ANKRD44: variants seen among roughly 807,000 people sequenced by gnomAD.
The protein encoded by ANKRD44 is serine/threonine-protein phosphatase 6 regulatory ankyrin repeat subunit B.
A neutral mutation model predicts 116.0 loss-of-function variants in ANKRD44; 35 were observed. The observed-to-expected ratio is 0.30, with a 90% CI of 0.23 to 0.40. ANKRD44 has a LOEUF of 0.40. Ranked by LOEUF, ANKRD44 falls within the 10% of genes least tolerant of loss-of-function variation. ANKRD44 has a pLI of 1.00. For synonymous variants in ANKRD44, 435 were observed against 461.8 expected (o/e 0.94, Z 0.74); for missense variants, 1,014 against 1,242.6 (o/e 0.82, Z 2.77).
chr2:197,141,857 C>A (rs1019553372), intron 3 of ANKRD44, among the ~76,000 whole-genome samples: 1 of 152,200 alleles, frequency 6.6e-6, no homozygotes, highest in African/African-American at 2.4e-5. Context: ...TTTCAAGAGT[C>A]TTGTTTACAT....
chr2:197,080,242 T>C (rs1274845391), intron 15 of ANKRD44, among the ~76,000 whole-genome samples: 3 of 152,250 alleles, frequency 2.0e-5, no homozygotes, highest in African/African-American at 7.2e-5. Context: ...ATTATTATAA[T>C]AAAAGTAATG....
intron 1 of ANKRD44, among the ~76,000 whole-genome samples, chr2:197,222,988 T>C (rs2081619627): frequency 6.6e-6 from 1 of 151,908 alleles, no homozygotes; most frequent in Non-Finnish European, 1.5e-5. Context: ...ACTTTTTGTA[T>C]TTTCAGTTGA....
In ANKRD44 at chr2:196,999,563, CTTATTTATTTAT is replaced by C. The variant is rs375324261; in HGVS notation, c.2520-523_2520-512del. Among the ~76,000 whole-genome samples, 375 of 138,450 alleles carry C rather than the reference CTTATTTATTTAT, an allele frequency of 2.7e-3. 2 individuals carry two copies. Among genetic ancestry groups the C allele is most frequent in the Admixed American group, 4.3e-3 (59 of 13,734 alleles). The allele number at this position is 138,450 out of a possible 152,430, so 90.8% of individuals were successfully genotyped here. On this transcript the variant is annotated intron_variant, in intron 23 of 27. Transcript: ENST00000282272. ...ATACACTTGGTCATGTGTACAGACA[CTTATTTATTTAT>C]TTATTTATTTATTTATTTATTTATT...
intron 1 of ANKRD44, among the ~76,000 whole-genome samples, chr2:197,229,126 G>A (rs1006400123): frequency 1.3e-5 from 2 of 152,196 alleles, no homozygotes; most frequent in Non-Finnish European, 2.9e-5. Flanking sequence ...GTGTTCACTT[G>A]AACAGAGAAA....
chr2:197,033,067 G>C (rs2076738262), intron 16 of ANKRD44, among the ~76,000 whole-genome samples: 1 of 152,170 alleles, frequency 6.6e-6, no homozygotes, highest in African/African-American at 2.4e-5. Flanking sequence ...AGAGATCTGG[G>C]ATAGAGTTAT....
chr2:197,177,252 T>C (rs1467193368), intron 2 of ANKRD44, among the ~76,000 whole-genome samples: 3 of 152,350 alleles, frequency 2.0e-5, no homozygotes, highest in East Asian at 3.9e-4. Flanking sequence ...AAAGTTTTAA[T>C]TGATTTTTAG....
intron 17 of ANKRD44, among the ~76,000 whole-genome samples, chr2:197,020,391 C>T (rs888130355): frequency 1.3e-5 from 2 of 152,144 alleles, no homozygotes; most frequent in African/African-American, 2.4e-5. Context: ...GGTTGAGAGG[C>T]CAGATTTATC....
At chr2:197,186,147 G>A (rs2080652433) in intron 2 of ANKRD44, among the ~76,000 whole-genome samples, 1 of 152,088 alleles carries the variant, frequency 6.6e-6, no homozygotes, top group African/African-American at 2.4e-5. Context: ...CAGGAGGCCT[G>A]CAGAAAAAAA....
intron 18 of ANKRD44, among the ~76,000 whole-genome samples, chr2:197,012,143 A>C (rs900418783): frequency 1.8e-4 from 27 of 152,362 alleles, no homozygotes; most frequent in African/African-American, 5.3e-4. Context: ...AAGCTTCTGC[A>C]CAGTAGACAT....
chr2:197,281,626 G>C (rs920242139), intron 1 of ANKRD44, among the ~76,000 whole-genome samples: 1 of 152,076 alleles, frequency 6.6e-6, no homozygotes, highest in Admixed American at 6.6e-5. Context: ...AGATGTGTTT[G>C]GAAAATGAGG....
At chr2:197,282,120 G>A (rs1162445887) in intron 1 of ANKRD44, among the ~76,000 whole-genome samples, 1 of 152,100 alleles carries the variant, frequency 6.6e-6, no homozygotes, top group Admixed American at 6.5e-5. Flanking sequence ...AGGCATGGTG[G>A]TGGGCACCTG....
chr2:197,232,163 A>G (rs1187334373), intron 1 of ANKRD44, among the ~76,000 whole-genome samples: 3 of 152,236 alleles, frequency 2.0e-5, no homozygotes, highest in African/African-American at 7.2e-5. Context: ...GAGGCTGGTA[A>G]TGAAGCACAA....
At chr2:197,198,375 A>C (rs1448717574) in intron 1 of ANKRD44, among the ~76,000 whole-genome samples, 3 of 152,120 alleles carry the variant, frequency 2.0e-5, no homozygotes, top group Admixed American at 6.6e-5. Flanking sequence ...GACCTGGAGG[A>C]AAAGGCTGGA....
intron 1 of ANKRD44, among the ~76,000 whole-genome samples, chr2:197,268,083 T>C (rs2082788244): frequency 6.6e-6 from 1 of 152,050 alleles, no homozygotes; most frequent in Non-Finnish European, 1.5e-5. Context: ...GGTTTTACAA[T>C]AGAAAAAGAA....
At chr2:197,224,760 G>A (rs564564963) in intron 1 of ANKRD44, among the ~76,000 whole-genome samples, 20 of 152,294 alleles carry the variant, frequency 1.3e-4, no homozygotes, top group African/African-American at 4.8e-4. Context: ...AGGAAAAAAG[G>A]TGAAGGGTTG....
At chr2:197,298,925 AAAAG>A (rs940270164) in intron 1 of ANKRD44, among the ~76,000 whole-genome samples, 19 of 152,284 alleles carry the variant, frequency 1.2e-4, no homozygotes, top group Non-Finnish European at 2.6e-4. Context: ...TCAAAAAAAA[AAAAG>A]AAAGAGAGAG....
At chr2:196,997,426 T>C (rs2076032719) in intron 25 of ANKRD44, among the ~76,000 whole-genome samples, 1 of 147,430 alleles carries the variant, frequency 6.8e-6, no homozygotes, top group African/African-American at 2.5e-5. Context: ...ATAAATTATA[T>C]ATATATATAA....
chr2:197,010,283 C>T (rs1230918796), intron 18 of ANKRD44, among the ~76,000 whole-genome samples: 1 of 152,172 alleles, frequency 6.6e-6, no homozygotes, highest in Non-Finnish European at 1.5e-5. Flanking sequence ...TGTTGAGTGA[C>T]GGTCCCTCAG....
At chr2:197,157,092 T>C (rs2079837114) in intron 2 of ANKRD44, among the ~76,000 whole-genome samples, 1 of 152,218 alleles carries the variant, frequency 6.6e-6, no homozygotes, top group Non-Finnish European at 1.5e-5. Context: ...GGGTAGTTTA[T>C]TGTATGTCAA....
Sources: allele counts gnomAD v4.1 joint callset (sites outside exome capture counted in the v4.1 genomes callset), GRCh38; gene constraint gnomAD v4.1.1; transcripts MANE v1.5; gene names NCBI Gene and HGNC (gene_info 2026-07-23, HGNC 2026-07-21).